The following GAS7 variants were observed in gnomAD, a reference collection of about 807,000 sequenced individuals.
GAS7 encodes growth arrest specific 7.
In GAS7, 28 loss-of-function variants were observed where a neutral mutation model predicts 71.1. That is an observed-to-expected ratio of 0.39 (90% CI 0.29 to 0.54). The LOEUF (loss-of-function observed/expected upper bound fraction) is 0.54, where lower values mean the gene tolerates loss of function less well. Among genes scored for constraint, GAS7 ranks in the 20% least tolerant of loss-of-function variants. The pLI is 0.62. For missense variants in GAS7, 436 were observed against 627.8 expected (o/e 0.69, Z 3.27); for synonymous variants, 258 against 245.8 (o/e 1.05, Z -0.46).
At chr17:10,190,374 G>A in intron 1 of GAS7, among the ~76,000 whole-genome samples, 1 of 152,098 alleles carries the variant, frequency 6.6e-6, no homozygotes, top group East Asian at 1.9e-4. Flanking sequence ...CATGAGGTCA[G>A]GAGTTTGAGT....
rs189955725 is a variant in GAS7, at chr17:9,974,267, G to C, written c.386-4505C>G. The stretch of plus-strand genomic sequence containing the variant: ...CTGCGTTATCACTTGAAGTCTCCCG[G>C]GCACATTCAGAATACGTCTCAGTGG... On this transcript the variant is annotated intron_variant, in intron 3 of 13. Coordinates refer to ENST00000432992, the MANE Select transcript of GAS7 (RefSeq NM_201433.2). This position sits in a 1 kb window ranked among gnomAD's most constrained non-coding sequence, Gnocchi z 4.0. Among the ~76,000 whole-genome samples, 176 of 152,252 alleles carry C rather than the reference G, an allele frequency of 1.2e-3. No homozygotes were observed. Among genetic ancestry groups the C allele is most frequent in the African/African-American group, 4.1e-3 (169 of 41,550 alleles).
chr17:9,961,597 G>A (rs529437179), intron 4 of GAS7, among the ~76,000 whole-genome samples: 2 of 152,226 alleles, frequency 1.3e-5, no homozygotes, highest in South Asian at 2.1e-4. Flanking sequence ...TGATGATGTT[G>A]GTGATGAGGG....
At chr17:10,167,696 G>T (rs529434070) in intron 1 of GAS7, among the ~76,000 whole-genome samples, 1 of 151,922 alleles carries the variant, frequency 6.6e-6, no homozygotes, top group South Asian at 2.1e-4. Context: ...TTAGAGACAG[G>T]GTCTCAATAT....
chr17:9,941,625 G>A (rs1037809576), intron 7 of GAS7, among the ~76,000 whole-genome samples: 1 of 152,330 alleles, frequency 6.6e-6, no homozygotes, highest in Non-Finnish European at 1.5e-5. Context: ...GGAATGTCCT[G>A]AAATGGCAGT....
chr17:9,958,523 T>G (rs2069339964), intron 5 of GAS7, among the ~76,000 whole-genome samples: 1 of 152,082 alleles, frequency 6.6e-6, no homozygotes, highest in South Asian at 2.1e-4. Context: ...TGTGCCAAAA[T>G]AGCAAACCTG....
At chr17:10,099,328 G>A (rs1423684893) in intron 1 of GAS7, among the ~76,000 whole-genome samples, 2 of 152,134 alleles carry the variant, frequency 1.3e-5, no homozygotes, top group Non-Finnish European at 2.9e-5. Flanking sequence ...ATGGCCCTGT[G>A]AGGCTTCTAC....
At chr17:9,992,270 C>A (rs1160181375) in intron 2 of GAS7, among the ~76,000 whole-genome samples, 1 of 152,028 alleles carries the variant, frequency 6.6e-6, no homozygotes, top group African/African-American at 2.4e-5. Flanking sequence ...AGATGTTACC[C>A]CAACCTTCTA....
At chr17:9,942,812 G>A (rs1055603009) in intron 7 of GAS7, among the ~76,000 whole-genome samples, 6 of 152,248 alleles carry the variant, frequency 3.9e-5, no homozygotes, top group Non-Finnish European at 5.9e-5. Context: ...GCCAAGTGTC[G>A]CGTGAGGGAT....
intron 9 of GAS7, among the ~76,000 whole-genome samples, chr17:9,932,232 G>A (rs1055963249): frequency 1.6e-5 from 2 of 128,778 alleles, no homozygotes; most frequent in Non-Finnish European, 3.1e-5. Flanking sequence ...GTCTCACTCT[G>A]TTGCCAGGCT....
intron 4 of GAS7, among the ~76,000 whole-genome samples, chr17:9,961,361 T>C (rs1024285230): frequency 6.6e-6 from 1 of 152,088 alleles, no homozygotes; most frequent in Admixed American, 6.6e-5. Context: ...GGGATAGAAG[T>C]CTCTCTCTCC....
At chr17:10,094,341 C>A (rs1367205421) in intron 1 of GAS7, among the ~76,000 whole-genome samples, 1 of 152,198 alleles carries the variant, frequency 6.6e-6, no homozygotes, top group East Asian at 1.9e-4. Context: ...CAGGACCTCA[C>A]AGTCACAGTA....
At chr17:10,083,821 A>G (rs983081896) in intron 1 of GAS7, among the ~76,000 whole-genome samples, 12 of 152,244 alleles carry the variant, frequency 7.9e-5, no homozygotes, top group African/African-American at 2.9e-4. Flanking sequence ...CACCACGCAG[A>G]AGTGGGCCTG....
At chr17:10,180,020 T>C (rs2074401974) in intron 1 of GAS7, among the ~76,000 whole-genome samples, 1 of 152,154 alleles carries the variant, frequency 6.6e-6, no homozygotes, top group Non-Finnish European at 1.5e-5. Flanking sequence ...TCCTCTGATG[T>C]GGGCCTTATT....
intron 1 of GAS7, among the ~76,000 whole-genome samples, chr17:10,100,720 C>T (rs1217286388): frequency 2.6e-5 from 4 of 151,994 alleles, no homozygotes; most frequent in Admixed American, 1.3e-4. Flanking sequence ...TTTGGAATTA[C>T]GAAGTTTTTA....
rs113967374 is a variant in GAS7, at chr17:10,128,631, C to CT, written c.183+69576dup. Among the ~76,000 whole-genome samples the CT allele has an allele frequency of 7.1e-3, 1,004 of 142,024 alleles. 9 individuals are homozygous for CT. Among genetic ancestry groups the CT allele is most frequent in the African/African-American group, 0.019 (743 of 38,980 alleles). 93.2% of individuals were successfully genotyped at this position (142,024 alleles called of 152,430 possible). A position where few individuals can be genotyped will look rare whatever the true frequency, so the allele number is the denominator to read the frequency against. On this transcript the variant is annotated intron_variant, in intron 1 of 13. Coordinates refer to ENST00000432992, the MANE Select transcript of GAS7 (RefSeq NM_201433.2). ...GTGATCGTTTTGCTTTTTCTTTTCT[C>CT]TTTTTTTTTTTTTTTTGAGATAGAG... is the stretch of plus-strand genomic sequence containing the variant.
intron 2 of GAS7, among the ~76,000 whole-genome samples, chr17:9,992,069 C>G (rs978887054): frequency 6.6e-6 from 1 of 152,144 alleles, no homozygotes; most frequent in Admixed American, 6.5e-5. Context: ...CTCAACTCAT[C>G]ATTTTTATCA....
At chr17:10,150,579 G>A (rs1272375664) in intron 1 of GAS7, among the ~76,000 whole-genome samples, 1 of 120,610 alleles carries the variant, frequency 8.3e-6, no homozygotes, top group Non-Finnish European at 1.7e-5. Flanking sequence ...CAGTAATGAG[G>A]CTGTTACATT....
chr17:9,967,614 C>CCTT (rs2069774527), intron 4 of GAS7, among the ~76,000 whole-genome samples: 1 of 150,840 alleles, frequency 6.6e-6, no homozygotes, highest in African/African-American at 2.4e-5. Context: ...GTGTGTCCTA[C>CCTT]TTTTTTTTTA....
At chr17:10,142,738 TC>T (rs1314808078) in intron 1 of GAS7, among the ~76,000 whole-genome samples, 3 of 152,290 alleles carry the variant, frequency 2.0e-5, no homozygotes, top group Admixed American at 1.3e-4. Context: ...TTCTGAGGTA[TC>T]CCCAATATAT....
Sources: allele counts gnomAD v4.1 joint callset (sites outside exome capture counted in the v4.1 genomes callset), GRCh38; gene constraint gnomAD v4.1.1; non-coding constraint Gnocchi (gnomAD v3.1); transcripts MANE v1.5; gene names NCBI Gene and HGNC (gene_info 2026-07-23, HGNC 2026-07-21).